Variants in SCHIP1 observed in about 807,000 individuals in gnomAD.
SCHIP1 encodes schwannomin interacting protein 1.
In SCHIP1, 8 loss-of-function variants were observed where a neutral mutation model predicts 29.7. That is an observed-to-expected ratio of 0.27 (90% confidence interval 0.16 to 0.49). SCHIP1 has a LOEUF of 0.49. SCHIP1 is among the 20% of genes least tolerant of loss of function. The pLI is 0.99. For synonymous variants in SCHIP1, 76 were observed against 94.9 expected (o/e 0.80, Z 1.16); for missense variants, 193 against 294.6 (o/e 0.66, Z 2.52).
the SCHIP1 span, among the ~76,000 whole-genome samples, chr3:159,470,826 T>C: frequency 6.6e-6 from 1 of 152,114 alleles, no homozygotes; most frequent in Admixed American, 6.6e-5. Flanking sequence ...GATATATATA[T>C]ATATAATGAC....
chr3:159,812,224 G>T, the SCHIP1 span, among the ~76,000 whole-genome samples: 7 of 151,994 alleles, frequency 4.6e-5, no homozygotes, highest in Admixed American at 4.6e-4. Flanking sequence ...ACCCACCTTG[G>T]CCTCCGAAAG....
the SCHIP1 span, among the ~76,000 whole-genome samples, chr3:159,777,401 T>C: frequency 6.6e-6 from 1 of 151,270 alleles, no homozygotes; most frequent in Non-Finnish European, 1.5e-5. Context: ...CCAGAGTAGC[T>C]TTTTTTTTCT....
chr3:159,819,396 T>C, the SCHIP1 span, among the ~76,000 whole-genome samples: 5 of 152,106 alleles, frequency 3.3e-5, no homozygotes. Context: ...GGAATTAAGC[T>C]CTCCTTTTCA....
chr3:159,383,651 A>G, the SCHIP1 span, among the ~76,000 whole-genome samples: 1 of 111,724 alleles, frequency 9.0e-6, no homozygotes, highest in Non-Finnish European at 2.1e-5. Flanking sequence ...GAAGAAAGTC[A>G]TAGGTAGCTT....
chr3:159,799,395 A>C, the SCHIP1 span, among the ~76,000 whole-genome samples: 1 of 152,262 alleles, frequency 6.6e-6, no homozygotes, highest in African/African-American at 2.4e-5. Flanking sequence ...CTGTGAAATA[A>C]TGAAGTAGAG....
chr3:159,492,626 T>G, the SCHIP1 span, among the ~76,000 whole-genome samples: 1 of 152,186 alleles, frequency 6.6e-6, no homozygotes, highest in Non-Finnish European at 1.5e-5. Context: ...TACGTCTAAT[T>G]GCTGTACCTG....
chr3:159,505,662 C>T, the SCHIP1 span, among the ~76,000 whole-genome samples: 3 of 152,122 alleles, frequency 2.0e-5, no homozygotes, highest in African/African-American at 7.2e-5. Flanking sequence ...TGATGTTCCC[C>T]TTCCTGTGTC....
the SCHIP1 span, among the ~76,000 whole-genome samples, chr3:159,752,205 G>T: frequency 2.0e-5 from 3 of 152,022 alleles, no homozygotes; most frequent in East Asian, 5.8e-4. Context: ...CTTTATAGCG[G>T]TGCAAGAACG....
chr3:159,782,835 T>G, the SCHIP1 span, among the ~76,000 whole-genome samples: 1 of 152,236 alleles, frequency 6.6e-6, no homozygotes, highest in Non-Finnish European at 1.5e-5. Context: ...TCCCTAAGGT[T>G]ACAGGCAGCC....
the SCHIP1 span, among the ~76,000 whole-genome samples, chr3:159,761,174 T>C: frequency 6.6e-6 from 1 of 152,184 alleles, no homozygotes; most frequent in Admixed American, 6.5e-5. Context: ...TTGTTCAGAT[T>C]TGCATTTTAG....
At chr3:159,364,142 C>T in the SCHIP1 span, among the ~76,000 whole-genome samples, 1 of 152,186 alleles carries the variant, frequency 6.6e-6, no homozygotes, top group Non-Finnish European at 1.5e-5. Context: ...GGCAGCACAT[C>T]TTATCATGAC....
intron 2 of SCHIP1, among the ~76,000 whole-genome samples, chr3:159,866,854 T>G (rs1362447767): frequency 6.6e-6 from 1 of 152,202 alleles, no homozygotes; most frequent in Non-Finnish European, 1.5e-5. Flanking sequence ...TAGCTTCTAA[T>G]TCCAAGTAAG....
the SCHIP1 span, among the ~76,000 whole-genome samples, chr3:159,633,617 A>T: frequency 6.6e-6 from 1 of 152,246 alleles, no homozygotes; most frequent in African/African-American, 2.4e-5. Context: ...CTGGGAATTC[A>T]GAGGGAAGTA....
chr3:159,555,735 T>G, the SCHIP1 span, among the ~76,000 whole-genome samples: 2 of 152,236 alleles, frequency 1.3e-5, no homozygotes, highest in African/African-American at 4.8e-5. Flanking sequence ...AAAACTTTGT[T>G]GTGTTTCAAA....
At chr3:159,676,204 A>C in the SCHIP1 span, among the ~76,000 whole-genome samples, 1 of 152,216 alleles carries the variant, frequency 6.6e-6, no homozygotes. Flanking sequence ...AGAAGGGTTT[A>C]TACTTTACAG....
At chr3:159,600,214 A>C in the SCHIP1 span, among the ~76,000 whole-genome samples, 11 of 152,160 alleles carry the variant, frequency 7.2e-5, no homozygotes, top group Admixed American at 1.3e-4. Context: ...CATTGTATCT[A>C]CCTGGGGATT....
chr3:159,630,831 G>A, the SCHIP1 span, among the ~76,000 whole-genome samples: 1 of 152,142 alleles, frequency 6.6e-6, no homozygotes, highest in African/African-American at 2.4e-5. Context: ...ACTTATTCAT[G>A]TAACCAAACA....
the SCHIP1 span, among the ~76,000 whole-genome samples, chr3:159,716,316 T>C: frequency 9.2e-4 from 140 of 152,290 alleles, no homozygotes; most frequent in African/African-American, 3.2e-3. Flanking sequence ...GTAAAGACCA[T>C]TGATGCTAGC....
chr3:159,713,244 G>T, the SCHIP1 span, among the ~76,000 whole-genome samples: 1 of 121,186 alleles, frequency 8.3e-6, no homozygotes, highest in African/African-American at 3.4e-5. Flanking sequence ...AAGAAAGAAA[G>T]AAAGAAAGAA....
Sources: gnomAD v4.1 joint callset for allele counts (sites outside exome capture counted in the v4.1 genomes callset) on GRCh38, gnomAD v4.1.1 for gene constraint, MANE v1.5 for transcripts, NCBI Gene and HGNC (gene_info 2026-07-23, HGNC 2026-07-21) for gene names.